TRABD2B: variants seen among roughly 807,000 people sequenced by gnomAD.
TRABD2B encodes the protein metalloprotease TIKI2.
A neutral mutation model predicts 40.1 loss-of-function variants in TRABD2B; 14 were observed. The observed-to-expected ratio is 0.35, with a 90% CI of 0.23 to 0.55. TRABD2B has a LOEUF of 0.55. TRABD2B is among the 20% of genes least tolerant of loss of function. The pLI is 0.90. For missense variants in TRABD2B, 541 were observed against 648.6 expected, an observed-to-expected ratio of 0.83 and a Z score of 1.80; for synonymous variants, 263 against 277.0, an observed-to-expected ratio of 0.95 and a Z score of 0.50.
intron 2 of TRABD2B, among the ~76,000 whole-genome samples, chr1:47,810,102 T>C (rs1418420839): frequency 1.3e-5 from 2 of 151,850 alleles, no homozygotes; most frequent in African/African-American, 4.8e-5. Flanking sequence ...AGAGTGATAG[T>C]TGCTATGGAG....
chr1:47,954,922 T>C (rs1358096162), intron 2 of TRABD2B, among the ~76,000 whole-genome samples: 1 of 152,152 alleles, frequency 6.6e-6, no homozygotes, highest in East Asian at 1.9e-4. Context: ...AGCCTGTGGC[T>C]TCGGCTCTGC....
chr1:47,761,554 C>A lies in TRABD2B; in HGVS notation c.*4348G>T, dbSNP rs140897457. 6.6e-6 allele frequency: 1 copy of A among 152,100 alleles called. No homozygotes were observed. Among genetic ancestry groups the A allele is most frequent in the South Asian group, 2.1e-4 (1 of 4,816 alleles). The allele number at this position is 152,100 out of a possible 1,614,324, so 9.4% of individuals were successfully genotyped here. On this transcript the variant is annotated 3_prime_UTR_variant, in exon 7 of 7. Transcript: ENST00000606738. ...GAACCTTACTGGTTTAGACAGCCAG[C>A]GGGGTGATTTTTTTTGGCTGCTCAG...
At chr1:47,787,993 C>G (rs762089973) in intron 4 of TRABD2B, among the ~76,000 whole-genome samples, 40 of 152,182 alleles carry the variant, frequency 2.6e-4, no homozygotes, top group Admixed American at 3.3e-4. Context: ...TTTTAGGGAT[C>G]AGGATGACTT....
chr1:47,984,915 A>G (rs1451819719), intron 2 of TRABD2B, among the ~76,000 whole-genome samples: 1 of 152,172 alleles, frequency 6.6e-6, no homozygotes, highest in Non-Finnish European at 1.5e-5. Context: ...CTCGCTCACT[A>G]CGTCCAGCAC....
At chr1:47,889,848 C>A (rs1040317358) in intron 2 of TRABD2B, among the ~76,000 whole-genome samples, 1 of 152,200 alleles carries the variant, frequency 6.6e-6, no homozygotes, top group African/African-American at 2.4e-5. Flanking sequence ...ATGTTATAAA[C>A]GAGGAAGACA....
chr1:47,947,998 T>TA (rs1645283896), intron 2 of TRABD2B, among the ~76,000 whole-genome samples: 1 of 152,118 alleles, frequency 6.6e-6, no homozygotes, highest in African/African-American at 2.4e-5. Flanking sequence ...TGAAGCCAGA[T>TA]AAGTACCCCA....
At position 47,778,531 on chromosome 1, in the gene TRABD2B, C is replaced by T. The variant is rs1286120573; in HGVS notation, c.1002G>A (p.Gly334=). 6.5e-7 allele frequency: 1 copy of T among 1,536,054 alleles called. No individual in the cohort carries two copies. Among genetic ancestry groups the T allele is most frequent in the South Asian group, 1.2e-5 (1 of 84,050 alleles). Residue 334 remains glycine, a synonymous_variant, in exon 5 of 7, where the codon GGG becomes GGA. Coordinates refer to ENST00000606738, the MANE Select transcript of TRABD2B (RefSeq NM_001194986.2). The part of the protein sequence containing the change: ...FFAFGAGHFL[G]NNTVIDILRQ... ...GCAGGATGTCGATGACTGTGTTGTT[C>T]CCCAGAAAGTGACCTGGAACACAAG...
intron 2 of TRABD2B, among the ~76,000 whole-genome samples, chr1:47,844,812 C>T (rs1167837406): frequency 6.6e-6 from 1 of 152,170 alleles, no homozygotes; most frequent in Non-Finnish European, 1.5e-5. Context: ...GTAAATTCTT[C>T]AACTGGATAT....
At chr1:47,821,592 T>A (rs1570043684) in intron 2 of TRABD2B, among the ~76,000 whole-genome samples, 1 of 151,592 alleles carries the variant, frequency 6.6e-6, no homozygotes, top group Non-Finnish European at 1.5e-5. Flanking sequence ...GAGCTCAGTA[T>A]CCCCAAAGCA....
At chr1:47,842,120 T>C (rs189137080) in intron 2 of TRABD2B, among the ~76,000 whole-genome samples, 1 of 152,284 alleles carries the variant, frequency 6.6e-6, no homozygotes, top group Non-Finnish European at 1.5e-5. Context: ...CTGGCTCCTG[T>C]GAAAATTTAG....
chr1:47,929,349 C>G (rs2124757059), intron 2 of TRABD2B, among the ~76,000 whole-genome samples: 1 of 152,252 alleles, frequency 6.6e-6, no homozygotes, highest in Non-Finnish European at 1.5e-5. Flanking sequence ...TTTTAGAGTC[C>G]CTGCTCTGTG....
intron 3 of TRABD2B, among the ~76,000 whole-genome samples, chr1:47,797,986 T>C (rs1447958591): frequency 6.6e-6 from 1 of 152,070 alleles, no homozygotes; most frequent in Non-Finnish European, 1.5e-5. Flanking sequence ...ACACCACCTA[T>C]CTAAACTCTG....
intron 2 of TRABD2B, among the ~76,000 whole-genome samples, chr1:47,950,728 A>G (rs1645330461): frequency 6.6e-6 from 1 of 152,090 alleles, no homozygotes; most frequent in South Asian, 2.1e-4. Context: ...CTGCTGATTC[A>G]CTCGTCTTTG....
At position 47,762,963 on chromosome 1, in the gene TRABD2B, C is replaced by T. The variant is rs1303650303; in HGVS notation, c.*2939G>A. 1 of 152,252 alleles carries T rather than the reference C, an allele frequency of 6.6e-6. No homozygotes were observed. Among genetic ancestry groups the T allele is most frequent in the African/African-American group, 2.4e-5 (1 of 41,466 alleles). The allele number at this position is 152,252 out of a possible 1,614,324, so 9.4% of individuals were successfully genotyped here. On this transcript the variant is annotated 3_prime_UTR_variant, in exon 7 of 7. Coordinates refer to ENST00000606738, the MANE Select transcript of TRABD2B (RefSeq NM_001194986.2). ...ATCACTTTACCTGCTGGGTCTCAGA[C>T]CTTTCATCTTTCCTGCCTGCCTCAC...
At chr1:47,797,028 G>C (rs1644758258) in intron 3 of TRABD2B, among the ~76,000 whole-genome samples, 1 of 152,210 alleles carries the variant, frequency 6.6e-6, no homozygotes, top group South Asian at 2.1e-4. Flanking sequence ...GAATGAATGA[G>C]TGAGCTGAGG....
Position 47,775,396 on chromosome 1 carries a change from T to C in TRABD2B, c.1123A>G (p.Thr375Ala). The C allele has an allele frequency of 8.1e-7, 1 of 1,236,752 alleles. No homozygotes were observed. Among genetic ancestry groups the C allele is most frequent in the Non-Finnish European group, 1.0e-6 (1 of 989,370 alleles). The allele number at this position is 1,236,752 out of a possible 1,614,324, so 76.6% of individuals were successfully genotyped here. A position where few individuals can be genotyped will look rare whatever the true frequency, so the allele number is the denominator to read the frequency against. The change falls in exon 6 of 7, where the codon ACG (threonine) becomes GCG (alanine). Residue 375 changes from threonine (T) to alanine (A), a missense_variant. Coordinates refer to ENST00000606738, the MANE Select transcript of TRABD2B (RefSeq NM_001194986.2). ...GCTGGGGTCACTGGGGCCGGGCTCG[T>C]CGAGGTCCCCTCAGGAGAGGGCGCT... The part of the protein sequence containing the change: ...SPAPSPEGTS[T>A]SPAPVTPAAA...
intron 2 of TRABD2B, among the ~76,000 whole-genome samples, chr1:47,830,404 T>C (rs1336866402): frequency 1.3e-5 from 2 of 152,228 alleles, no homozygotes; most frequent in Non-Finnish European, 2.9e-5. Flanking sequence ...ATGAAGTGAC[T>C]TCGTAAGTTC....
At chr1:47,959,069 T>C (rs543574635) in intron 2 of TRABD2B, among the ~76,000 whole-genome samples, 24 of 152,124 alleles carry the variant, frequency 1.6e-4, no homozygotes, top group African/African-American at 5.3e-4. Context: ...CACTCAAAAC[T>C]GCTCAACTAC....
chr1:47,985,303 G>A (rs981326200), intron 2 of TRABD2B, among the ~76,000 whole-genome samples: 2 of 152,256 alleles, frequency 1.3e-5, no homozygotes, highest in African/African-American at 4.8e-5. Flanking sequence ...GGTTCTGAAG[G>A]TAGAATCAGA....
Sources: allele counts gnomAD v4.1 joint callset (sites outside exome capture counted in the v4.1 genomes callset), GRCh38; gene constraint gnomAD v4.1.1; transcripts MANE v1.5; gene names NCBI Gene and HGNC (gene_info 2026-07-23, HGNC 2026-07-21).